Variants in PTPRD observed in about 807,000 individuals in gnomAD.
PTPRD encodes the protein protein tyrosine phosphatase receptor type D, also known as receptor-type tyrosine-protein phosphatase delta.
Under a neutral mutation model 214.5 loss-of-function variants are expected in PTPRD, and 34 were observed. That is an observed-to-expected ratio of 0.16 (90% CI 0.12 to 0.21). The LOEUF (loss-of-function observed/expected upper bound fraction) is 0.21, where lower values mean the gene tolerates loss of function less well. Among genes scored for constraint, PTPRD ranks in the 10% least tolerant of loss-of-function variants. PTPRD has a pLI of 1.00. For missense variants in PTPRD, 2,545 were observed against 2,398.7 expected (o/e 1.06, Z -1.27); for synonymous variants, 1,128 against 845.7 (o/e 1.33, Z -5.79).
rs78499819 is a variant in PTPRD, at chr9:9,700,249, A to T, written c.-287+34284T>A. ...ATAAAAGTGGAATTATTTTATAATAAATGAAATTTTAATATTCCTCTAAAT... is the reference window on the plus strand; with the variant it reads ...ATAAAAGTGGAATTATTTTATAATATATGAAATTTTAATATTCCTCTAAAT... On this transcript the variant is annotated intron_variant, in intron 7 of 45. Coordinates refer to ENST00000381196, the MANE Select transcript of PTPRD (RefSeq NM_002839.4). Among the ~76,000 whole-genome samples, 388 of 152,238 alleles carry T rather than the reference A, an allele frequency of 2.5e-3. 1 individual carries two copies. Among genetic ancestry groups the T allele is most frequent in the African/African-American group, 8.9e-3 (371 of 41,564 alleles).
chr9:9,657,164 G>A (rs1408816644), intron 7 of PTPRD, among the ~76,000 whole-genome samples: 1 of 151,900 alleles, frequency 6.6e-6, no homozygotes, highest in African/African-American at 2.4e-5. Flanking sequence ...CTCCACCTGT[G>A]TCATGTCAAA....
At chr9:10,519,953 C>G (rs563126899) in intron 2 of PTPRD, among the ~76,000 whole-genome samples, 69 of 152,098 alleles carry the variant, frequency 4.5e-4, no homozygotes, top group African/African-American at 1.6e-3. Flanking sequence ...TAACATTAGC[C>G]TAATTACCAA....
intron 11 of PTPRD, among the ~76,000 whole-genome samples, chr9:8,785,780 C>A (rs1437184489): frequency 6.6e-6 from 1 of 152,252 alleles, no homozygotes; most frequent in Middle Eastern, 3.4e-3. Context: ...AAGCTTCAAA[C>A]TAGGGTAGCT....
At chr9:9,452,281 A>G (rs1034178909) in intron 8 of PTPRD, among the ~76,000 whole-genome samples, 1 of 151,586 alleles carries the variant, frequency 6.6e-6, no homozygotes, top group Non-Finnish European at 1.5e-5. Flanking sequence ...ATTGATGACA[A>G]TTCTCAACCT....
intron 5 of PTPRD, among the ~76,000 whole-genome samples, chr9:9,786,128 T>C (rs564160457): frequency 5.3e-4 from 80 of 152,274 alleles, no homozygotes; most frequent in African/African-American, 1.8e-3. Context: ...AACCTAAAAA[T>C]TTTTCATGTC....
chr9:8,510,307 AAAT>A (rs1267220935), intron 21 of PTPRD, among the ~76,000 whole-genome samples: 1 of 151,946 alleles, frequency 6.6e-6, no homozygotes, highest in African/African-American at 2.4e-5. Flanking sequence ...ATAAATAAAT[AAAT>A]AATAATATAT....
At chr9:9,654,041 C>G (rs1300505921) in intron 7 of PTPRD, among the ~76,000 whole-genome samples, 3 of 152,152 alleles carry the variant, frequency 2.0e-5, no homozygotes, top group African/African-American at 2.4e-5. Context: ...TGAAACCTCA[C>G]AAGACCACTG....
In PTPRD at chr9:9,111,889, C is replaced by A. The variant is rs548522077; in HGVS notation, c.-143+71415G>T. 2.0e-5 allele frequency among the ~76,000 whole-genome samples: 3 copies of A among 151,992 alleles called. No individual in the cohort carries two copies. The South Asian group carries it at 6.3e-4, about 32-fold the overall frequency. On this transcript the variant is annotated intron_variant, in intron 10 of 45. Transcript: ENST00000381196. ...ATGATACAAAACAAAACAAGAAAAC[C>A]TTTCCTCTGCTCATTAAGGACGACT...
intron 3 of PTPRD, among the ~76,000 whole-genome samples, chr9:10,301,729 T>G (rs2095867521): frequency 6.6e-6 from 1 of 151,722 alleles, no homozygotes; most frequent in Non-Finnish European, 1.5e-5. Context: ...GAAAAAGGAA[T>G]GAAAAGAAAT....
At chr9:10,219,281 A>G (rs1332801565) in intron 3 of PTPRD, among the ~76,000 whole-genome samples, 1 of 151,886 alleles carries the variant, frequency 6.6e-6, no homozygotes, top group Non-Finnish European at 1.5e-5. Flanking sequence ...CAAACCATTT[A>G]TCCAAATTTT....
chr9:9,731,424 T>C (rs1327326948), intron 7 of PTPRD, among the ~76,000 whole-genome samples: 4 of 151,392 alleles, frequency 2.6e-5, no homozygotes, highest in Admixed American at 6.6e-5. Flanking sequence ...TTCAAAATGA[T>C]AACTAGAAGC....
chr9:8,643,508 G>A (rs1041139095), intron 12 of PTPRD, among the ~76,000 whole-genome samples: 2 of 152,170 alleles, frequency 1.3e-5, no homozygotes, highest in Admixed American at 6.5e-5. Context: ...CATGTGGAGC[G>A]GCCACTGCCC....
intron 2 of PTPRD, among the ~76,000 whole-genome samples, chr9:10,367,216 T>C (rs182610009): frequency 5.4e-4 from 82 of 152,200 alleles, no homozygotes; most frequent in African/African-American, 1.9e-3. Flanking sequence ...AACTTGCAAG[T>C]TAAGAGAGAA....
intron 4 of PTPRD, among the ~76,000 whole-genome samples, chr9:9,999,399 A>G (rs1274891045): frequency 4.6e-5 from 7 of 152,200 alleles, no homozygotes; most frequent in Non-Finnish European, 1.0e-4. Flanking sequence ...TCCCACTGCT[A>G]CCTCACCAGA....
intron 5 of PTPRD, among the ~76,000 whole-genome samples, chr9:9,776,044 T>A (rs1278845240): frequency 6.7e-6 from 1 of 149,704 alleles, no homozygotes; most frequent in Non-Finnish European, 1.5e-5. Context: ...TAGGTTAATA[T>A]AAGCACTTTC....
At position 9,019,360 on chromosome 9, in the gene PTPRD, G is replaced by GAAAGAAAGAAAGAAAGAA. The variant is rs879330252; in HGVS notation, c.-142-626_-142-625insTTCTTTCTTTCTTTCTTT. ...AGAACGAAAGAAAGAAAGAAAGAAA[G>GAAAGAAAGAAAGAAAGAA]AATCTGAATTTTAAAATTAGGCTGA... On this transcript the variant is annotated intron_variant, in intron 10 of 45. Transcript: ENST00000381196. Among the ~76,000 whole-genome samples the GAAAGAAAGAAAGAAAGAA allele has an allele frequency of 2.0e-3, 301 of 149,716 alleles. 2 individuals carry two copies. Among genetic ancestry groups the GAAAGAAAGAAAGAAAGAA allele is most frequent in the African/African-American group, 6.9e-3 (281 of 40,706 alleles).
intron 9 of PTPRD, among the ~76,000 whole-genome samples, chr9:9,332,233 G>T (rs1390908104): frequency 6.8e-6 from 1 of 147,922 alleles, no homozygotes; most frequent in East Asian, 1.9e-4. Context: ...AGCCAATTTA[G>T]CAGGTGGAGA....
intron 4 of PTPRD, among the ~76,000 whole-genome samples, chr9:10,001,677 AATAAT>A (rs1346738261): frequency 2.6e-5 from 4 of 152,140 alleles, no homozygotes; most frequent in Non-Finnish European, 5.9e-5. Flanking sequence ...ACATAGGAGA[AATAAT>A]AAAATAAATG....
intron 4 of PTPRD, among the ~76,000 whole-genome samples, chr9:10,002,942 C>A (rs1243669522): frequency 6.6e-6 from 1 of 151,526 alleles, no homozygotes; most frequent in Non-Finnish European, 1.5e-5. Context: ...TATAGTAAGC[C>A]TCAACATATT....
Sources: gnomAD v4.1 joint callset for allele counts (sites outside exome capture counted in the v4.1 genomes callset) on GRCh38, gnomAD v4.1.1 for gene constraint, MANE v1.5 for transcripts, NCBI Gene and HGNC (gene_info 2026-07-23, HGNC 2026-07-21) for gene names.